ZNF609: variants seen among roughly 807,000 people sequenced by gnomAD.
ZNF609 encodes zinc finger protein 609.
In ZNF609, 11 loss-of-function variants were observed where a neutral mutation model predicts 109.5. The observed-to-expected ratio is 0.10, with a 90% CI of 0.06 to 0.17. The LOEUF (loss-of-function observed/expected upper bound fraction) is 0.17. Among genes scored for constraint, ZNF609 ranks in the 10% least tolerant of loss-of-function variants. The pLI is 1.00. For synonymous variants in ZNF609, 646 were observed against 662.0 expected, an observed-to-expected ratio of 0.98 and a Z score of 0.37; for missense variants, 1,559 against 1,772.4, an observed-to-expected ratio of 0.88 and a Z score of 2.16.
At position 64,670,347 on chromosome 15, in the gene ZNF609, G is replaced by C; in HGVS notation, c.975G>C (p.Gly325=). The C allele has an allele frequency of 6.2e-7, 1 of 1,613,620 alleles. No homozygotes were observed. Among genetic ancestry groups the C allele is most frequent in the South Asian group, 1.1e-5 (1 of 91,076 alleles). The change falls in exon 4 of 10, where the codon GGG becomes GGC. Residue 325 remains glycine, a splice_region_variant and synonymous_variant. Transcript: ENST00000326648. ...TATCTATGTGCTCTTATTTTCCAGG[G>C]ATGTTGGTGGTAAATGTAACGTGGA... ...EGIVWQETED[G]MLVVNVTWRN... is the part of the protein sequence containing the mutation.
intron 1 of ZNF609, among the ~76,000 whole-genome samples, chr15:64,481,495 T>C (rs1007362805): frequency 1.3e-5 from 2 of 151,934 alleles, no homozygotes; most frequent in Admixed American, 6.6e-5. Context: ...TAATTCTGTA[T>C]TTTTAGTAGA....
chr15:64,672,939 G>A (rs1896757432), intron 4 of ZNF609, among the ~76,000 whole-genome samples: 1 of 150,036 alleles, frequency 6.7e-6, no homozygotes, highest in Non-Finnish European at 1.5e-5. Context: ...GCTCCAGCCT[G>A]GCGACAGAGC....
chr15:64,677,981 T>C (rs1470334643), intron 5 of ZNF609, 135 bp from the exon 6 acceptor site: 3 of 1,219,046 alleles, frequency 2.5e-6, no homozygotes, highest in Non-Finnish European at 3.4e-6. Context: ...ACAAGATCAG[T>C]AGAGGCCAAA....
At chr15:64,580,195 C>T (rs1257775991) in intron 2 of ZNF609, among the ~76,000 whole-genome samples, 3 of 152,120 alleles carry the variant, frequency 2.0e-5, no homozygotes, top group Non-Finnish European at 1.5e-5. Context: ...TAGACAGCCT[C>T]CTAAAGCCTA....
intron 2 of ZNF609, among the ~76,000 whole-genome samples, chr15:64,620,609 A>G (rs1895861288): frequency 6.6e-6 from 1 of 152,164 alleles, no homozygotes; most frequent in South Asian, 2.1e-4. Context: ...TTCTACTTCC[A>G]TTTCATTTCA....
chr15:64,625,616 T>C (rs890369687), intron 3 of ZNF609, among the ~76,000 whole-genome samples: 18 of 152,046 alleles, frequency 1.2e-4, no homozygotes, highest in African/African-American at 4.3e-4. Context: ...AGGAGCCGGG[T>C]GCGGTGGCTC....
chr15:64,461,251 A>G (rs1195356500), intron 1 of ZNF609, among the ~76,000 whole-genome samples: 1 of 150,664 alleles, frequency 6.6e-6, no homozygotes, highest in African/African-American at 2.4e-5. Flanking sequence ...GGTTGTTCAG[A>G]GCATAGGGTC....
chr15:64,681,572 AC>A, intron 9 of ZNF609, 119 bp from the exon 10 acceptor site: 2 of 585,020 alleles, frequency 3.4e-6, no homozygotes, highest in South Asian at 4.2e-5. Context: ...CCTGTGGAAC[AC>A]AGTGTCCCCT....
At chr15:64,619,940 C>G (rs1469200004) in intron 2 of ZNF609, among the ~76,000 whole-genome samples, 1 of 152,160 alleles carries the variant, frequency 6.6e-6, no homozygotes, top group Non-Finnish European at 1.5e-5. Flanking sequence ...TTTCTCCTAG[C>G]CTGCCAGGAG....
chr15:64,604,322 C>T (rs984653298), intron 2 of ZNF609, among the ~76,000 whole-genome samples: 5 of 152,078 alleles, frequency 3.3e-5, no homozygotes, highest in Admixed American at 3.3e-4. Flanking sequence ...CCCTTTTTCC[C>T]CCAATAGAGT....
At chr15:64,651,423 A>G (rs947135769) in intron 3 of ZNF609, among the ~76,000 whole-genome samples, 41 of 152,348 alleles carry the variant, frequency 2.7e-4, no homozygotes, top group African/African-American at 9.6e-4. Context: ...GAAAGAGATC[A>G]CTTTTGGCTA....
chr15:64,562,135 A>G (rs969208540), intron 2 of ZNF609, among the ~76,000 whole-genome samples: 4 of 152,204 alleles, frequency 2.6e-5, no homozygotes, highest in African/African-American at 9.6e-5. Context: ...CAATCTTTAC[A>G]TTCTCCAGGG....
At chr15:64,527,358 T>A (rs550880823) in intron 2 of ZNF609, among the ~76,000 whole-genome samples, 55 of 151,490 alleles carry the variant, frequency 3.6e-4, no homozygotes, top group African/African-American at 1.3e-3. Context: ...CATATTTGAT[T>A]TGTGGGGACA....
At chr15:64,670,476 A>G (rs1896709733) in intron 4 of ZNF609, 43 bp downstream of exon 4, 1 of 1,515,274 alleles carries the variant, frequency 6.6e-7, no homozygotes, top group South Asian at 1.1e-5. Flanking sequence ...TCTGAACCAC[A>G]CTAATTGGTG....
intron 1 of ZNF609, among the ~76,000 whole-genome samples, chr15:64,487,306 A>G (rs771417401): frequency 7.9e-5 from 12 of 152,184 alleles, no homozygotes; most frequent in Non-Finnish European, 1.3e-4. Context: ...TTCCCTTTAC[A>G]TATAATACTG....
At chr15:64,645,048 TCTTC>T (rs1896313408) in intron 3 of ZNF609, among the ~76,000 whole-genome samples, 1 of 138,446 alleles carries the variant, frequency 7.2e-6, no homozygotes, top group Non-Finnish European at 1.6e-5. Context: ...TTCCTTTCTT[TCTTC>T]CTTTCTTCCT....
At chr15:64,598,743 TATA>T (rs1895441167) in intron 2 of ZNF609, among the ~76,000 whole-genome samples, 1 of 10,620 alleles carries the variant, frequency 9.4e-5, no homozygotes, top group Non-Finnish European at 1.9e-4. Flanking sequence ...TTTGTGTGTG[TATA>T]TATATATATA....
At chr15:64,583,710 G>T (rs78359952) in intron 2 of ZNF609, among the ~76,000 whole-genome samples, 3 of 152,168 alleles carry the variant, frequency 2.0e-5, no homozygotes, top group Admixed American at 2.0e-4. Flanking sequence ...CTGAGTAAAT[G>T]TTCAGACTTT....
rs80186457 is a variant in ZNF609 at position 64,619,808 on chromosome 15, A to G, written c.748-3019A>G. ...CTCTTCACTTATTGTATAGCAGGGT[A>G]TAATTTGGCAGACTGCTTGAATGCA... is the stretch of plus-strand genomic sequence containing the variant. On this transcript the variant is annotated intron_variant, in intron 2 of 9. Coordinates refer to ENST00000326648, the MANE Select transcript of ZNF609 (RefSeq NM_015042.2). Among the ~76,000 whole-genome samples, 126 of 152,322 alleles carry G rather than the reference A, an allele frequency of 8.3e-4. 1 individual carries two copies. Among genetic ancestry groups the G allele is most frequent in the African/African-American group, 3.0e-3 (125 of 41,576 alleles).
Sources: allele counts gnomAD v4.1 joint callset (sites outside exome capture counted in the v4.1 genomes callset), GRCh38; gene constraint gnomAD v4.1.1; transcripts MANE v1.5; gene names NCBI Gene and HGNC (gene_info 2026-07-23, HGNC 2026-07-21).